DDX60L: variants seen among roughly 807,000 people sequenced by gnomAD.
The protein encoded by DDX60L is DExD/H-box 60 like.
Under a neutral mutation model 211.6 loss-of-function variants are expected in DDX60L, and 191 were observed. The observed-to-expected ratio is 0.90, with a 90% CI of 0.80 to 1.02. DDX60L has a LOEUF of 1.02. Ranked by LOEUF, DDX60L falls within the 50% of genes least tolerant of loss-of-function variation. DDX60L has a pLI of 0.00. For synonymous variants in DDX60L, 706 were observed against 694.1 expected, an observed-to-expected ratio of 1.02 and a Z score of -0.27; for missense variants, 2,007 against 1,984.1, an observed-to-expected ratio of 1.01 and a Z score of -0.22.
At chr4:168,390,498 C>T in intron 29 of DDX60L, 1 of 1,398,428 alleles carries the variant, frequency 7.2e-7, no homozygotes. Context: ...AAATCACAGT[C>T]TTCATATTCC....
At chr4:168,459,864 C>CAA (rs1392757505) in intron 5 of DDX60L, among the ~76,000 whole-genome samples, 1 of 110,598 alleles carries the variant, frequency 9.0e-6, no homozygotes, top group Non-Finnish European at 1.9e-5. Flanking sequence ...GTCTAAAGTT[C>CAA]AAAAAAAAAA....
At chr4:168,471,266 A>G (rs2150141915) in intron 4 of DDX60L, 1 of 152,548 alleles carries the variant, frequency 6.6e-6, no homozygotes, top group Non-Finnish European at 1.5e-5. Flanking sequence ...AAAGGCATGG[A>G]TAAGCTTACA....
intron 8 of DDX60L, among the ~76,000 whole-genome samples, chr4:168,450,510 A>C (rs1481944522): frequency 1.3e-5 from 2 of 152,020 alleles, no homozygotes; most frequent in East Asian, 3.9e-4. Context: ...ACTAAGACCA[A>C]CTCCAAGGAA....
At chr4:168,420,629 CACA>C (rs1561034150) in intron 17 of DDX60L, among the ~76,000 whole-genome samples, 3 of 133,926 alleles carry the variant, frequency 2.2e-5, no homozygotes, top group African/African-American at 6.3e-5. Context: ...CACACACACA[CACA>C]CACACACATG....
rs1454431673 is a variant in DDX60L, at chr4:168,416,601, C to A, written c.2726+81G>T. 5.4e-6 allele frequency: 4 copies of A among 740,260 alleles called. No individual in the cohort carries two copies. The African/African-American group carries it at 5.5e-5, about 10-fold the overall frequency. 45.9% of individuals were successfully genotyped at this position (740,260 alleles called of 1,614,324 possible). ...TATTTGAAAGTTATCATAGAAAAAACCTTAAAGACTTCAGACCATATAGAC... is the reference window on the plus strand; with the variant it reads ...TATTTGAAAGTTATCATAGAAAAAAACTTAAAGACTTCAGACCATATAGAC... On this transcript the variant is annotated intron_variant, in intron 20 of 37. Transcript: ENST00000682922.
intron 36 of DDX60L, among the ~76,000 whole-genome samples, chr4:168,362,824 G>A (rs190033397): frequency 1.6e-4 from 24 of 152,240 alleles, no homozygotes; most frequent in Middle Eastern, 3.4e-3. Flanking sequence ...GGACTTATGG[G>A]ACACCATTAA....
chr4:168,445,782 A>G (rs1754687500), intron 9 of DDX60L, among the ~76,000 whole-genome samples: 1 of 141,828 alleles, frequency 7.1e-6, no homozygotes, highest in Non-Finnish European at 1.5e-5. Context: ...CAAAAACCAC[A>G]TGATTATCTC....
In DDX60L at chr4:168,419,356, A is replaced by G. The variant is rs768134028; in HGVS notation, c.2556T>C (p.Leu852=). Residue 852 remains leucine (L), a synonymous_variant, in exon 19 of 38, where the codon CTT becomes CTC. Transcript: ENST00000682922. ...CCACCCATTTTTGGCGATGAGGAGCAAGCAACAGGATTTCAAAACATTCCG... is the reference window on the plus strand; with the variant it reads ...CCACCCATTTTTGGCGATGAGGAGCGAGCAACAGGATTTCAAAACATTCCG... ...TVPECFEILL[L]APHRQKWVER... 1.6e-5 allele frequency: 25 copies of G among 1,598,362 alleles called. No individual in the cohort carries two copies. The highest frequency in any genetic ancestry group is 2.2e-5 in the East Asian group (1 of 44,604).
At chr4:168,402,765 C>A (rs966790199) in intron 25 of DDX60L, among the ~76,000 whole-genome samples, 4 of 152,134 alleles carry the variant, frequency 2.6e-5, no homozygotes, top group African/African-American at 9.7e-5. Flanking sequence ...CAGCTTGAGC[C>A]TAAACCAACT....
intron 36 of DDX60L, among the ~76,000 whole-genome samples, chr4:168,371,115 AAAT>A (rs753725683): frequency 6.6e-6 from 1 of 151,128 alleles, no homozygotes; most frequent in Admixed American, 6.6e-5. Context: ...ATTTCATAAA[AAAT>A]AATATTTTAT....
rs1235736119 is a variant in DDX60L, at chr4:168,421,912, G to A, written c.2245-3C>T. 6.2e-7 allele frequency: 1 copy of A among 1,614,078 alleles called. No homozygotes were observed. Among genetic ancestry groups the A allele is most frequent in the Non-Finnish European group, 8.5e-7 (1 of 1,179,958 alleles). ...TCTACCACATCCAGGAGTTCCTGCT[G>A]CAGGGTACAAAGCACCATTTGTGTC... On this transcript the variant is annotated splice_polypyrimidine_tract_variant and splice_region_variant and intron_variant, in intron 16 of 37. Coordinates refer to ENST00000682922, the MANE Select transcript of DDX60L (RefSeq NM_001012967.3).
At chr4:168,431,254 C>T (rs760370448) in intron 12 of DDX60L, among the ~76,000 whole-genome samples, 12 of 152,024 alleles carry the variant, frequency 7.9e-5, no homozygotes, top group Non-Finnish European at 1.6e-4. Context: ...GGAAGCAAGG[C>T]TAGATTCACT....
At chr4:168,419,446 T>C (rs1264996702) in intron 18 of DDX60L, 49 bp from the exon 19 acceptor site, 2 of 1,382,776 alleles carry the variant, frequency 1.4e-6, no homozygotes, top group East Asian at 2.5e-5. Flanking sequence ...GCATTAATTT[T>C]ATATCAGGCA....
chr4:168,400,970 T>A lies in DDX60L; in HGVS notation c.3347A>T (p.Asn1116Ile), dbSNP rs771230785. 2.5e-6 allele frequency: 4 copies of A among 1,611,986 alleles called. No homozygotes were observed. In the South Asian group the frequency reaches 4.4e-5, roughly 18 times the overall value. ...KLPAIFFLFK[N>I]DDVGKRAGSV... is the part of the protein sequence containing the mutation. ...TCCAGCTCTTTTTCCCACATCATCATTCTTAAACCTTAAAACAAATGAAAA... is the reference window on the plus strand; with the variant it reads ...TCCAGCTCTTTTTCCCACATCATCAATCTTAAACCTTAAAACAAATGAAAA... Residue 1116 changes from asparagine to isoleucine, a missense_variant, in exon 26 of 38, where the codon AAT (asparagine) becomes ATT (isoleucine). Transcript: ENST00000682922.
In DDX60L at chr4:168,391,648, G is replaced by T; in HGVS notation, c.3811-4C>A. ...GTGTTTCAGTAGCTGTCACTACCTA[G>T]GAAAAAAAAAAAAAAACAGTCAATA... On this transcript the variant is annotated splice_polypyrimidine_tract_variant and splice_region_variant and intron_variant, in intron 28 of 37. Transcript: ENST00000682922. 2 of 1,376,010 alleles carry T rather than the reference G, an allele frequency of 1.5e-6. No individual in the cohort carries two copies. The highest frequency in any genetic ancestry group is 1.6e-5 in the African/African-American group (1 of 63,356). The allele number at this position is 1,376,010 out of a possible 1,614,324, so 85.2% of individuals were successfully genotyped here.
intron 5 of DDX60L, among the ~76,000 whole-genome samples, chr4:168,459,774 G>GGGAATGAAGGAAGGAAGGAA (rs1757058401): frequency 5.3e-5 from 3 of 56,918 alleles, no homozygotes; most frequent in Non-Finnish European, 1.0e-4. Flanking sequence ...GAAGGAAGGA[G>GGGAATGAAGGAAGGAAGGAA]GGAAGGAAGG....
chr4:168,404,149 T>A (rs1025550336), intron 24 of DDX60L, 43 bp from the exon 25 acceptor site: 3 of 1,127,504 alleles, frequency 2.7e-6, no homozygotes, highest in Non-Finnish European at 3.6e-6. Context: ...AAAAAAGAAT[T>A]TGTGGAAACA....
At chr4:168,396,781 A>G (rs918836007) in intron 26 of DDX60L, among the ~76,000 whole-genome samples, 2 of 151,538 alleles carry the variant, frequency 1.3e-5, no homozygotes, top group African/African-American at 4.9e-5. Context: ...CCTACGTCCA[A>G]AAAATATACA....
At chr4:168,403,268 T>C (rs568546690) in intron 25 of DDX60L, among the ~76,000 whole-genome samples, 3 of 152,264 alleles carry the variant, frequency 2.0e-5, no homozygotes, top group Admixed American at 6.5e-5. Context: ...ACAGAACACA[T>C]GTGGCTTAGT....
Sources: gnomAD v4.1 joint callset for allele counts (sites outside exome capture counted in the v4.1 genomes callset) on GRCh38, gnomAD v4.1.1 for gene constraint, MANE v1.5 for transcripts, NCBI Gene and HGNC (gene_info 2026-07-23, HGNC 2026-07-21) for gene names.